The following ATE1 variants were observed in gnomAD, a reference collection of about 807,000 sequenced individuals.
ATE1 encodes the protein arginyltransferase 1.
ATE1 carries 36 observed loss-of-function variants against 70.5 expected under a neutral mutation model. The observed-to-expected ratio is 0.51, with a 90% CI of 0.39 to 0.67. The LOEUF is 0.67. Ranked by LOEUF, ATE1 falls within the 30% of genes least tolerant of loss-of-function variation. The probability of loss-of-function intolerance (pLI) is 0.00; values close to 1 mark genes in which losing one functional copy is unlikely to be tolerated. For synonymous variants in ATE1, 232 were observed against 219.3 expected (o/e 1.06, Z -0.51); for missense variants, 593 against 629.5 (o/e 0.94, Z 0.62).
At chr10:121,886,471 G>A (rs1234335860) in intron 7 of ATE1, among the ~76,000 whole-genome samples, 1 of 152,066 alleles carries the variant, frequency 6.6e-6, no homozygotes, top group Non-Finnish European at 1.5e-5. Flanking sequence ...GGGTGTGTGC[G>A]TGAATATGCC....
chr10:121,779,660 T>C (rs1185009624), intron 11 of ATE1, among the ~76,000 whole-genome samples: 3 of 152,110 alleles, frequency 2.0e-5, no homozygotes, highest in African/African-American at 7.2e-5. Context: ...ACTCTTTCCT[T>C]TCCCTGACCT....
Position 121,893,292 on chromosome 10 carries a change from AAC to A in ATE1, c.942+6572_942+6573del, listed in dbSNP as rs1339477130. 1.4e-3 allele frequency among the ~76,000 whole-genome samples: 203 copies of A among 150,018 alleles called. 3 individuals carry two copies. Among genetic ancestry groups the A allele is most frequent in the East Asian group, 4.3e-3 (22 of 5,100 alleles). ...ACTTAGTCTCAAAAAAAAAAAAAAA[AAC>A]AAAATTGTAAAAACGTTATGTAGAT... is the stretch of plus-strand genomic sequence containing the variant. On this transcript the variant is annotated intron_variant, in intron 7 of 11. Transcript: ENST00000224652.
Position 121,790,940 on chromosome 10 carries a change from ACATATATATGTG to A in ATE1, c.1258-663_1258-652del, listed in dbSNP as rs1455285023. On this transcript the variant is annotated intron_variant, in intron 10 of 11. Coordinates refer to ENST00000224652, the MANE Select transcript of ATE1 (RefSeq NM_001001976.3). The stretch of plus-strand genomic sequence containing the variant: ...AATTCCATTTAAAAATTTTATGTGT[ACATATATATGTG>A]TATATATATATGTGTGTGTACATAT... Among the ~76,000 whole-genome samples, 14 of 44,944 alleles carry A rather than the reference ACATATATATGTG, an allele frequency of 3.1e-4. 1 individual carries two copies. The highest frequency in any genetic ancestry group is 2.6e-3 in the South Asian group (2 of 768). 29.5% of individuals were successfully genotyped at this position (44,944 alleles called of 152,430 possible).
chr10:121,927,040 T>C, intron 1 of ATE1: 1 of 985,452 alleles, frequency 1.0e-6, no homozygotes, highest in South Asian at 4.7e-5. Flanking sequence ...GAATCTCGTT[T>C]TCCACAAAGC....
chr10:121,843,763 C>T (rs1049698794), intron 8 of ATE1, among the ~76,000 whole-genome samples: 1 of 151,184 alleles, frequency 6.6e-6, no homozygotes, highest in Non-Finnish European at 1.5e-5. Flanking sequence ...CACCTCACAC[C>T]TTTCACAAAA....
At chr10:121,852,748 T>TA (rs1949101918) in intron 8 of ATE1, among the ~76,000 whole-genome samples, 1 of 152,178 alleles carries the variant, frequency 6.6e-6, no homozygotes, top group Non-Finnish European at 1.5e-5. Context: ...AAAGATGTGC[T>TA]AAGCCACTGT....
At chr10:121,891,539 C>A (rs1950579647) in intron 7 of ATE1, among the ~76,000 whole-genome samples, 1 of 152,120 alleles carries the variant, frequency 6.6e-6, no homozygotes. Context: ...TGGTTTAGAG[C>A]TGCTTTTTAT....
intron 5 of ATE1, among the ~76,000 whole-genome samples, chr10:121,903,125 G>A (rs544673409): frequency 2.8e-5 from 3 of 105,690 alleles, no homozygotes; most frequent in Non-Finnish European, 4.6e-5. Context: ...TCCTGACCTC[G>A]TGATTCACCC....
intron 11 of ATE1, among the ~76,000 whole-genome samples, chr10:121,752,611 A>C (rs572594149): frequency 2.0e-4 from 31 of 152,268 alleles, no homozygotes; most frequent in African/African-American, 7.5e-4. Flanking sequence ...GTAGGGGGCC[A>C]ATTTCATTTT....
At chr10:121,766,659 G>A (rs888949506) in intron 11 of ATE1, among the ~76,000 whole-genome samples, 1 of 152,006 alleles carries the variant, frequency 6.6e-6, no homozygotes, top group Non-Finnish European at 1.5e-5. Context: ...CAGGAAAGGG[G>A]CGGCCTACAC....
chr10:121,770,492 A>G (rs1945466671), intron 11 of ATE1, among the ~76,000 whole-genome samples: 1 of 152,200 alleles, frequency 6.6e-6, no homozygotes, highest in South Asian at 2.1e-4. Flanking sequence ...TTTTATGTAC[A>G]AATTTAAAAT....
Position 121,868,088 on chromosome 10 carries a change from A to T in ATE1, c.975+1918T>A, listed in dbSNP as rs139773336. Among the ~76,000 whole-genome samples, 12 of 152,296 alleles carry T rather than the reference A, an allele frequency of 7.9e-5. No homozygotes were observed. The East Asian group carries it at 2.3e-3, about 29-fold the overall frequency. ...ATGAAGTTTATAAACATCCCATCTC[A>T]TTATATCTTGTCAAGCATTCACTTA... is the stretch of plus-strand genomic sequence containing the variant. On this transcript the variant is annotated intron_variant, in intron 8 of 11. Transcript: ENST00000224652.
intron 10 of ATE1, among the ~76,000 whole-genome samples, chr10:121,823,848 T>C (rs17102630): frequency 0.098 from 14,946 of 152,204 alleles, 2,342 homozygotes; most frequent in African/African-American, 0.33. Context: ...TTGAAAGTTT[T>C]ATACACCTTA....
chr10:121,835,359 T>C (rs1279391641), intron 10 of ATE1, among the ~76,000 whole-genome samples: 1 of 152,010 alleles, frequency 6.6e-6, no homozygotes, highest in African/African-American at 2.4e-5. Context: ...CCATAATTTC[T>C]GAAATCGAAC....
At chr10:121,859,771 G>A (rs2133945434) in intron 8 of ATE1, among the ~76,000 whole-genome samples, 2 of 151,812 alleles carry the variant, frequency 1.3e-5, no homozygotes, top group South Asian at 4.2e-4. Context: ...GTGAAACCCT[G>A]TCTCTACTAA....
chr10:121,900,686 G>A (rs377247116), intron 6 of ATE1, among the ~76,000 whole-genome samples: 3 of 152,148 alleles, frequency 2.0e-5, no homozygotes, highest in African/African-American at 7.2e-5. Context: ...AATGAAAACA[G>A]CTGGAAACTG....
At chr10:121,876,575 A>G (rs1950055458) in intron 7 of ATE1, among the ~76,000 whole-genome samples, 1 of 152,242 alleles carries the variant, frequency 6.6e-6, no homozygotes, top group Admixed American at 6.5e-5. Context: ...TTCTAAAATT[A>G]AACTTTTAAG....
At chr10:121,800,342 G>A (rs1946827443) in intron 10 of ATE1, among the ~76,000 whole-genome samples, 1 of 152,166 alleles carries the variant, frequency 6.6e-6, no homozygotes, top group African/African-American at 2.4e-5. Context: ...ATCTGGGGAT[G>A]GGCTTGGCCG....
At chr10:121,851,176 T>C (rs915072764) in intron 8 of ATE1, among the ~76,000 whole-genome samples, 4 of 146,922 alleles carry the variant, frequency 2.7e-5, no homozygotes, top group African/African-American at 1.0e-4. Context: ...ATCTCTGCAC[T>C]TTGGAGGCTG....
Sources: gnomAD v4.1 joint callset for allele counts (sites outside exome capture counted in the v4.1 genomes callset) on GRCh38, gnomAD v4.1.1 for gene constraint, MANE v1.5 for transcripts, NCBI Gene and HGNC (gene_info 2026-07-23, HGNC 2026-07-21) for gene names.